Variants in CUX1 observed in about 807,000 individuals in gnomAD.
The protein encoded by CUX1 is protein CASP.
Under a neutral mutation model 158.8 loss-of-function variants are expected in CUX1, and 31 were observed. The ratio of observed to expected loss-of-function variants is 0.20; its 90% confidence interval spans 0.15 to 0.26. The LOEUF (loss-of-function observed/expected upper bound fraction) is 0.26. Among genes scored for constraint, CUX1 ranks in the 10% least tolerant of loss-of-function variants. The probability of loss-of-function intolerance (pLI) is 1.00; values close to 1 mark genes in which losing one functional copy is unlikely to be tolerated. For synonymous variants in CUX1, 879 were observed against 862.1 expected, an observed-to-expected ratio of 1.02 and a Z score of -0.34; for missense variants, 1,589 against 2,014.6, an observed-to-expected ratio of 0.79 and a Z score of 4.04.
At chr7:102,277,263 T>C (rs1414878213) in intron 17 of CUX1, among the ~76,000 whole-genome samples, 2 of 152,030 alleles carry the variant, frequency 1.3e-5, no homozygotes, top group Non-Finnish European at 2.9e-5. Context: ...TGCCACTTTA[T>C]TCTAGCCTGG....
Position 102,140,732 on chromosome 7 carries a change from G to A in CUX1, c.675-17828G>A, listed in dbSNP as rs1237201136. Among the ~76,000 whole-genome samples the A allele has an allele frequency of 5.3e-5, 8 of 151,924 alleles. 1 individual carries two copies. Among genetic ancestry groups the A allele is most frequent in the Non-Finnish European group, 1.0e-4 (7 of 67,972 alleles). On this transcript the variant is annotated intron_variant, in intron 8 of 23. Coordinates refer to ENST00000292535, the MANE Select transcript of CUX1 (RefSeq NM_181552.4). ...AAAAAAAATTTAGCTGAGCGTGGTGGTGCACGCCTGTAATCCCAGCTATTG... is the reference window on the plus strand; with the variant it reads ...AAAAAAAATTTAGCTGAGCGTGGTGATGCACGCCTGTAATCCCAGCTATTG...
intron 1 of CUX1, among the ~76,000 whole-genome samples, chr7:101,891,659 A>T (rs10226289): frequency 0.22 from 32,883 of 152,106 alleles, 5,300 homozygotes; most frequent in East Asian, 0.84. Context: ...TAGAAGACGC[A>T]CTCATAATCA....
chr7:101,895,098 G>A (rs1005993614), intron 1 of CUX1, among the ~76,000 whole-genome samples: 2 of 152,138 alleles, frequency 1.3e-5, no homozygotes, highest in Non-Finnish European at 2.9e-5. Context: ...TTGGCTCACT[G>A]CAACCTCTGC....
intron 4 of CUX1, among the ~76,000 whole-genome samples, chr7:102,087,103 G>A (rs1220320579): frequency 1.3e-5 from 2 of 152,078 alleles, no homozygotes; most frequent in Non-Finnish European, 2.9e-5. Context: ...TGGAATGTTA[G>A]ATCATTTACA....
At chr7:102,063,383 C>CTTTTTTTTTT (rs11368644) in intron 3 of CUX1, among the ~76,000 whole-genome samples, 1 of 89,272 alleles carries the variant, frequency 1.1e-5, no homozygotes, top group Non-Finnish European at 2.1e-5. Context: ...ATTTCCTTTT[C>CTTTTTTTTTT]TTTTTTTTTT....
chr7:102,194,597 AT>A (rs1196063295), intron 13 of CUX1, among the ~76,000 whole-genome samples: 80 of 146,852 alleles, frequency 5.4e-4, no homozygotes, highest in African/African-American at 5.0e-4. Context: ...GAGACTGACT[AT>A]TTTTTTTTTA....
At chr7:102,017,657 C>T (rs1818802536) in intron 2 of CUX1, among the ~76,000 whole-genome samples, 1 of 152,172 alleles carries the variant, frequency 6.6e-6, no homozygotes, top group African/African-American at 2.4e-5. Flanking sequence ...ATCAGCCTGG[C>T]CAACATGGAG....
intron 16 of CUX1, 46 bp from the exon 17 acceptor site, chr7:102,200,025 G>A (rs782252081): frequency 2.0e-6 from 3 of 1,522,028 alleles, no homozygotes; most frequent in Non-Finnish European, 2.7e-6. Context: ...GCTGATTTTT[G>A]TCCGGGGTTT....
At chr7:102,159,366 G>T (rs1266348238) in intron 9 of CUX1, among the ~76,000 whole-genome samples, 1 of 152,214 alleles carries the variant, frequency 6.6e-6, no homozygotes, top group Non-Finnish European at 1.5e-5. Context: ...GCTCAGAGAG[G>T]CCTTATGGCA....
At chr7:102,017,366 C>G (rs962858040) in intron 2 of CUX1, among the ~76,000 whole-genome samples, 1 of 151,246 alleles carries the variant, frequency 6.6e-6, no homozygotes, top group Non-Finnish European at 1.5e-5. Flanking sequence ...CACAAGTATT[C>G]ACTGTGTCTG....
At chr7:102,187,787 G>A (rs1161027369) in intron 11 of CUX1, among the ~76,000 whole-genome samples, 1 of 151,970 alleles carries the variant, frequency 6.6e-6, no homozygotes, top group Non-Finnish European at 1.5e-5. Flanking sequence ...GGGATTACAG[G>A]CGTCAGCCAC....
chr7:101,972,348 T>C (rs143836234), intron 2 of CUX1, among the ~76,000 whole-genome samples: 84 of 152,362 alleles, frequency 5.5e-4, no homozygotes, highest in African/African-American at 1.9e-3. Context: ...GAATGAACTC[T>C]GTCCCTCTTT....
At position 102,241,508 on chromosome 7, in the gene CUX1, ACAGT is replaced by A. The variant is rs147954876; in HGVS notation, c.3887+1928_3887+1931del. Among the ~76,000 whole-genome samples the A allele has an allele frequency of 2.8e-3, 432 of 152,250 alleles. 4 individuals carry two copies. The highest frequency in any genetic ancestry group is 9.9e-3 in the African/African-American group (413 of 41,558). On this transcript the variant is annotated intron_variant, in intron 23 of 23. Transcript: ENST00000292535. ...ACACAGTCATGGGCAGCACAAAGTC[ACAGT>A]CAGGCTGGAGGGGAAGTTGTGTCTC...
chr7:101,993,021 CTT>C (rs1162723781), intron 2 of CUX1, among the ~76,000 whole-genome samples: 9 of 152,140 alleles, frequency 5.9e-5, no homozygotes, highest in Non-Finnish European at 1.2e-4. Flanking sequence ...AGGGTCCACT[CTT>C]TGCCTTTATA....
rs529244771 is a variant in CUX1 at position 102,255,073 on chromosome 7, C to T, written c.*6031C>T. ...GTAAAACAAGCCCCAGCCCTACTCC[C>T]GGCCCCCCAGCCCAGTCTTCCCAAT... On this transcript the variant is annotated 3_prime_UTR_variant, in exon 24 of 24. Coordinates refer to ENST00000292535, the MANE Select transcript of CUX1 (RefSeq NM_181552.4). The T allele has an allele frequency of 1.4e-5, 14 of 985,514 alleles. No individual in the cohort carries two copies. The highest frequency in any genetic ancestry group is 9.4e-5 in the South Asian group (2 of 21,284). The allele number at this position is 985,514 out of a possible 1,614,324, so 61.0% of individuals were successfully genotyped here.
In CUX1 at chr7:102,080,574, A is replaced by G. The variant is rs112686617; in HGVS notation, c.268+10157A>G. 2.9e-3 allele frequency among the ~76,000 whole-genome samples: 449 copies of G among 152,280 alleles called. 3 individuals carry two copies. The highest frequency in any genetic ancestry group is 0.01 in the African/African-American group (424 of 41,558). ...CATCGCCCGCAGAGCGCACTGTGCA[A>G]ACATGAGCCTCATGTCTATTAAGAT... On this transcript the variant is annotated intron_variant, in intron 4 of 23. Coordinates refer to ENST00000292535, the MANE Select transcript of CUX1 (RefSeq NM_181552.4).
At chr7:102,025,486 G>T (rs1023664132) in intron 2 of CUX1, among the ~76,000 whole-genome samples, 31 of 151,910 alleles carry the variant, frequency 2.0e-4, no homozygotes, top group Non-Finnish European at 4.1e-4. Context: ...AAACTAGCCG[G>T]GTGTGGTGGC....
At chr7:101,847,388 C>A (rs1163819984) in intron 1 of CUX1, among the ~76,000 whole-genome samples, 3 of 152,108 alleles carry the variant, frequency 2.0e-5, no homozygotes, top group Non-Finnish European at 4.4e-5. Context: ...CTATCAGCAG[C>A]CATGCGTCCC....
chr7:101,860,622 A>G (rs973479603), intron 1 of CUX1, among the ~76,000 whole-genome samples: 1 of 152,070 alleles, frequency 6.6e-6, no homozygotes, highest in Non-Finnish European at 1.5e-5. Flanking sequence ...TTCTTCATCT[A>G]TAAAACTAGA....
Sources: gnomAD v4.1 joint callset for allele counts (sites outside exome capture counted in the v4.1 genomes callset) on GRCh38, gnomAD v4.1.1 for gene constraint, MANE v1.5 for transcripts, NCBI Gene and HGNC (gene_info 2026-07-23, HGNC 2026-07-21) for gene names.